Variants in ATXN7L1 observed in about 807,000 individuals in gnomAD.
ATXN7L1 encodes the protein ataxin 7 like 1, also known as ataxin-7-like protein 1.
A neutral mutation model predicts 70.8 loss-of-function variants in ATXN7L1; 15 were observed. That is an observed-to-expected ratio of 0.21 (90% CI 0.14 to 0.33). The LOEUF (loss-of-function observed/expected upper bound fraction) is 0.33. ATXN7L1 is among the 10% of genes least tolerant of loss of function. ATXN7L1 has a pLI of 1.00. For missense variants in ATXN7L1, 975 were observed against 1,097.1 expected, an observed-to-expected ratio of 0.89 and a Z score of 1.57; for synonymous variants, 440 against 445.1, an observed-to-expected ratio of 0.99 and a Z score of 0.14.
rs550331311 is a variant in ATXN7L1, at chr7:105,873,497, T to C, written c.250+2315A>G. Among the ~76,000 whole-genome samples, 7 of 152,306 alleles carry C rather than the reference T, an allele frequency of 4.6e-5. No homozygotes were observed. The South Asian group carries it at 1.2e-3, about 27-fold the overall frequency. On this transcript the variant is annotated intron_variant, in intron 2 of 11. Transcript: ENST00000419735. ...AACCAAATAAACACCCTGTCTCAGCTCAACCCTTCAATTTCTCACCATGGG... is the reference window on the plus strand; with the variant it reads ...AACCAAATAAACACCCTGTCTCAGCCCAACCCTTCAATTTCTCACCATGGG...
At chr7:105,869,979 CTA>C (rs1326654520) in intron 2 of ATXN7L1, among the ~76,000 whole-genome samples, 1 of 152,142 alleles carries the variant, frequency 6.6e-6, no homozygotes, top group East Asian at 1.9e-4. Flanking sequence ...TAACTGCACT[CTA>C]TTAAAAACAT....
chr7:105,755,289 G>T (rs1037700551), intron 3 of ATXN7L1, among the ~76,000 whole-genome samples: 3 of 152,162 alleles, frequency 2.0e-5, no homozygotes, highest in African/African-American at 7.2e-5. Flanking sequence ...ACACCACTAG[G>T]GTAGTCATTT....
At chr7:105,654,897 C>A (rs924860343) in intron 4 of ATXN7L1, among the ~76,000 whole-genome samples, 1 of 150,254 alleles carries the variant, frequency 6.7e-6, no homozygotes, top group East Asian at 2.0e-4. Flanking sequence ...CACACCACTA[C>A]GCCTGGCTAA....
intron 4 of ATXN7L1, among the ~76,000 whole-genome samples, chr7:105,653,317 G>A (rs1323958182): frequency 6.6e-6 from 1 of 152,046 alleles, no homozygotes; most frequent in African/African-American, 2.4e-5. Context: ...GCGTGGTGGT[G>A]TATGCCGGTA....
At position 105,670,498 on chromosome 7, in the gene ATXN7L1, T is replaced by C. The variant is rs181485426; in HGVS notation, c.356-5210A>G. Among the ~76,000 whole-genome samples the C allele has an allele frequency of 2.3e-3, 353 of 152,358 alleles. 2 individuals carry two copies. The highest frequency in any genetic ancestry group is 0.01 in the Middle Eastern group (3 of 294). On this transcript the variant is annotated intron_variant, in intron 3 of 11. Coordinates refer to ENST00000419735, the MANE Select transcript of ATXN7L1 (RefSeq NM_020725.2). ...ATGCATATAGCTTTATTAAGAAAAC[T>C]GCAATCAATGGATATTTTGGACTAT...
Position 105,642,821 on chromosome 7 carries a change from A to G in ATXN7L1, c.862+17T>C. On this transcript the variant is annotated intron_variant, in intron 5 of 11. Transcript: ENST00000419735. ...CAGTCTAATCATGAGTCAGACCCTG[A>G]CGACACTGACACATACCTGAAAGTC... The G allele has an allele frequency of 6.5e-7, 1 of 1,545,572 alleles. No homozygotes were observed. The highest frequency in any genetic ancestry group is 8.7e-7 in the Non-Finnish European group (1 of 1,143,236).
At chr7:105,870,145 G>A (rs946410820) in intron 2 of ATXN7L1, among the ~76,000 whole-genome samples, 5 of 152,042 alleles carry the variant, frequency 3.3e-5, no homozygotes, top group Non-Finnish European at 5.9e-5. Flanking sequence ...AGCCAGGTGT[G>A]GTGGTGGGTA....
intron 3 of ATXN7L1, among the ~76,000 whole-genome samples, chr7:105,726,014 G>A (rs1795777505): frequency 6.7e-6 from 1 of 149,304 alleles, no homozygotes; most frequent in Non-Finnish European, 1.5e-5. Context: ...TGATTCTTGT[G>A]TCCCAGCCTC....
At chr7:105,788,789 T>G in intron 2 of ATXN7L1, 81 bp from the exon 3 acceptor site, 1 of 1,164,674 alleles carries the variant, frequency 8.6e-7, no homozygotes, top group Non-Finnish European at 1.3e-6. Flanking sequence ...TGGAATTTCT[T>G]CAAGGACAGT....
In ATXN7L1 at chr7:105,875,863, C is replaced by A. The variant is rs765862113; in HGVS notation, c.199G>T (p.Ala67Ser). 29 of 1,613,480 alleles carry A rather than the reference C, an allele frequency of 1.8e-5. No homozygotes were observed. The South Asian group carries it at 3.1e-4, about 17-fold the overall frequency. Residue 67 changes from alanine to serine, a missense_variant, in exon 2 of 12, where the codon GCT (alanine) becomes TCT (serine). By Grantham distance (99) the Ala-to-Ser change is moderately conservative. Coordinates refer to ENST00000419735, the MANE Select transcript of ATXN7L1 (RefSeq NM_020725.2). Reference sequence around the variant, plus strand: ...CTGCTTTTTCCACCCTCTTTTCCAGCCTCTTCTAAATCTACATCTGCAGAT... The same window carrying A: ...CTGCTTTTTCCACCCTCTTTTCCAGACTCTTCTAAATCTACATCTGCAGAT... ...HCSDNVDLEE[A>S]GKEGGKSREV... is the part of the protein sequence containing the mutation.
chr7:105,728,598 C>G (rs1796170930), intron 3 of ATXN7L1, among the ~76,000 whole-genome samples: 2 of 152,120 alleles, frequency 1.3e-5, no homozygotes, highest in Non-Finnish European at 2.9e-5. Flanking sequence ...GTTCTGCCAT[C>G]TGAGAAGGCC....
intron 2 of ATXN7L1, among the ~76,000 whole-genome samples, chr7:105,857,929 G>C (rs2116647471): frequency 6.6e-6 from 1 of 151,814 alleles, no homozygotes; most frequent in African/African-American, 2.4e-5. Flanking sequence ...TTAGGCTACA[G>C]GGGGAAAAAA....
intron 2 of ATXN7L1, among the ~76,000 whole-genome samples, chr7:105,794,152 A>G (rs1028016994): frequency 6.6e-6 from 1 of 152,192 alleles, no homozygotes; most frequent in Non-Finnish European, 1.5e-5. Flanking sequence ...AGGACTGTTC[A>G]ATGGGTTACA....
intron 2 of ATXN7L1, among the ~76,000 whole-genome samples, chr7:105,874,136 A>AC (rs1305262334): frequency 6.6e-6 from 1 of 151,898 alleles, no homozygotes; most frequent in Non-Finnish European, 1.5e-5. Context: ...AAAAAAAAAA[A>AC]AAAAAAAAAT....
chr7:105,658,772 G>A (rs1272176192), intron 4 of ATXN7L1, among the ~76,000 whole-genome samples: 2 of 152,010 alleles, frequency 1.3e-5, no homozygotes, highest in Admixed American at 6.5e-5. Context: ...GACCTCAAAT[G>A]ATCCATCCGC....
chr7:105,754,104 G>T (rs1341246462), intron 3 of ATXN7L1, among the ~76,000 whole-genome samples: 1 of 152,182 alleles, frequency 6.6e-6, no homozygotes, highest in Non-Finnish European at 1.5e-5. Context: ...CCCAAAACGT[G>T]CTGTGCAAGA....
intron 4 of ATXN7L1, among the ~76,000 whole-genome samples, chr7:105,647,603 C>T (rs780891237): frequency 3.3e-5 from 5 of 152,238 alleles, no homozygotes; most frequent in East Asian, 3.8e-4. Flanking sequence ...GCTGAGATGG[C>T]GCCATTGCAC....
intron 3 of ATXN7L1, chr7:105,760,922 G>T: frequency 6.1e-6 from 1 of 164,228 alleles, no homozygotes; most frequent in Non-Finnish European, 1.3e-5. Context: ...CCTGGCACAG[G>T]ATGTGGCCCA....
At chr7:105,860,732 C>A (rs904040808) in intron 2 of ATXN7L1, among the ~76,000 whole-genome samples, 1 of 152,058 alleles carries the variant, frequency 6.6e-6, no homozygotes, top group African/African-American at 2.4e-5. Flanking sequence ...TAGTATTTTA[C>A]CACAATTTTC....
Sources: allele counts gnomAD v4.1 joint callset (sites outside exome capture counted in the v4.1 genomes callset), GRCh38; gene constraint gnomAD v4.1.1; transcripts MANE v1.5; gene names NCBI Gene and HGNC (gene_info 2026-07-23, HGNC 2026-07-21).